FSD2: variants seen among roughly 807,000 people sequenced by gnomAD.
FSD2 encodes the protein fibronectin type III and SPRY domain-containing protein 2.
A neutral mutation model predicts 80.4 loss-of-function variants in FSD2; 71 were observed. That is an observed-to-expected ratio of 0.88 (90% confidence interval 0.73 to 1.08). FSD2 has a LOEUF of 1.08. Ranked by LOEUF, FSD2 falls within the 50% of genes least tolerant of loss-of-function variation. FSD2 has a pLI of 0.00. For missense variants in FSD2, 923 were observed against 913.8 expected (o/e 1.01, Z -0.13); for synonymous variants, 361 against 329.5 (o/e 1.10, Z -1.03).
At chr15:82,779,059 G>T (rs1342396684) in intron 5 of FSD2, among the ~76,000 whole-genome samples, 172 bp from the exon 6 acceptor site, 1 of 152,208 alleles carries the variant, frequency 6.6e-6, no homozygotes, top group African/African-American at 2.4e-5. Flanking sequence ...TGACCTAGGG[G>T]TCATCAATGG....
rs2049597579 is a variant in FSD2 at position 82,772,201 on chromosome 15, T to G, written c.1139A>C (p.Gln380Pro). The stretch of plus-strand genomic sequence containing the variant: ...GGAACCTGTGGCTGAGTTAGGGACC[T>G]GTGGATTTATGACTGGAGCAGAAGG... ...PAPSAPVINP[Q>P]VPNSATGSSV... Residue 380 changes from glutamine (Q) to proline (P), a missense_variant, in exon 7 of 13, where the codon CAG (glutamine) becomes CCG (proline). Gln to Pro is a moderately conservative substitution (Grantham distance 76, BLOSUM62 -1). Coordinates refer to ENST00000334574, the MANE Select transcript of FSD2 (RefSeq NM_001007122.4). 1 of 1,612,018 alleles carries G rather than the reference T, an allele frequency of 6.2e-7. No individual in the cohort carries two copies. Among genetic ancestry groups the G allele is most frequent in the Non-Finnish European group, 8.5e-7 (1 of 1,179,172 alleles).
chr15:82,780,651 C>T (rs556822464), intron 4 of FSD2, among the ~76,000 whole-genome samples: 2 of 151,444 alleles, frequency 1.3e-5, no homozygotes, highest in South Asian at 4.2e-4. Context: ...ATTTCTTTTA[C>T]CAACATATTG....
At chr15:82,769,287 C>A (rs1405480809) in intron 8 of FSD2, among the ~76,000 whole-genome samples, 1 of 152,042 alleles carries the variant, frequency 6.6e-6, no homozygotes, top group Non-Finnish European at 1.5e-5. Context: ...CTGTCACTGT[C>A]GGCTGAGTGC....
At chr15:82,784,260 T>TTTTA (rs1270469582) in intron 3 of FSD2, among the ~76,000 whole-genome samples, 8,614 of 133,518 alleles carry the variant, frequency 0.065, 302 homozygotes, top group East Asian at 0.17. Context: ...ATTTTATTTT[T>TTTTA]TTTTTATGGA....
chr15:82,784,760 A>G (rs1405316958), intron 3 of FSD2, among the ~76,000 whole-genome samples: 1 of 152,180 alleles, frequency 6.6e-6, no homozygotes, highest in Admixed American at 6.5e-5. Context: ...TCCTGTTGGT[A>G]CCATCCGAAG....
chr15:82,802,228 G>C (rs1352714355), intron 1 of FSD2, among the ~76,000 whole-genome samples: 1 of 152,182 alleles, frequency 6.6e-6, no homozygotes, highest in African/African-American at 2.4e-5. Flanking sequence ...CCAGTGCTGA[G>C]CTGGACCAGC....
rs1375297461 is a variant in FSD2 at position 82,759,428 on chromosome 15, G to T, written c.2170C>A (p.Pro724Thr). Residue 724 changes from proline (P) to threonine (T), a missense_variant, in exon 13 of 13, where the codon CCC becomes ACC. Transcript: ENST00000334574. ...FSCQLHEFVHPCFSLEKPGCL... is the reference protein window; with the variant it reads ...FSCQLHEFVHTCFSLEKPGCL... ...CCAGGCTTTTCCAAAGAAAAACAGG[G>T]ATGCACAAATTCGTGAAGCTGACAA... 2 of 1,613,734 alleles carry T rather than the reference G, an allele frequency of 1.2e-6. No homozygotes were observed. The highest frequency in any genetic ancestry group is 3.3e-5 in the Admixed American group (2 of 59,994).
intron 9 of FSD2, among the ~76,000 whole-genome samples, chr15:82,767,016 G>GT (rs1381329188): frequency 1.3e-5 from 2 of 152,130 alleles, no homozygotes; most frequent in East Asian, 3.9e-4. Flanking sequence ...AGTTGTCCAG[G>GT]TTATCTTCAG....
chr15:82,779,261 A>G (rs2049793921), intron 5 of FSD2, among the ~76,000 whole-genome samples: 1 of 152,168 alleles, frequency 6.6e-6, no homozygotes, highest in Non-Finnish European at 1.5e-5. Context: ...CAGACTCCCC[A>G]GGCTTCCTCT....
chr15:82,786,633 G>A (rs1187338437), intron 2 of FSD2, 27 bp from the exon 3 acceptor site: 1 of 1,603,616 alleles, frequency 6.2e-7, no homozygotes, highest in Non-Finnish European at 8.5e-7. Flanking sequence ...CACAAAGAAG[G>A]TATTAATGTT....
At chr15:82,805,140 AT>A (rs57346494) in intron 1 of FSD2, among the ~76,000 whole-genome samples, 17,839 of 131,484 alleles carry the variant, frequency 0.14, 1,403 homozygotes, top group South Asian at 0.34. Context: ...TCCCCCAATA[AT>A]TTTTTTTTTT....
rs775760030 is a variant in FSD2, at chr15:82,787,213, C to A, written c.178G>T (p.Asp60Tyr). ...TGAAGGTCTCTTTGAGCCTTACCATCCCCTGCTCCTCTTGACTCATTGGCC... is the reference window on the plus strand; with the variant it reads ...TGAAGGTCTCTTTGAGCCTTACCATACCCTGCTCCTCTTGACTCATTGGCC... The part of the protein sequence containing the change: ...EMANESRGAG[D>Y]GKAQRDLQEE... The change falls in exon 2 of 13, where the codon GAT (aspartate) becomes TAT (tyrosine). Residue 60 changes from aspartate to tyrosine, a missense_variant. Asp to Tyr is a radical substitution (Grantham distance 160, BLOSUM62 -3). Transcript: ENST00000334574. The A allele has an allele frequency of 1.2e-6, 2 of 1,613,852 alleles. No individual in the cohort carries two copies. The highest frequency in any genetic ancestry group is 1.3e-5 in the African/African-American group (1 of 74,900).
rs560347459 is a variant in FSD2, at chr15:82,770,595, C to T, written c.1268-711G>A. ...CCGAGGCAGGAGAATCACTTGAACC[C>T]GGGAAGTGGAGGTTGCAGTGAGCTG... On this transcript the variant is annotated intron_variant, in intron 7 of 12. Coordinates refer to ENST00000334574, the MANE Select transcript of FSD2 (RefSeq NM_001007122.4). 1.6e-4 allele frequency among the ~76,000 whole-genome samples: 24 copies of T among 152,238 alleles called. 1 individual carries two copies. The South Asian group carries it at 2.1e-3, about 13-fold the overall frequency.
chr15:82,774,120 G>C lies in FSD2; in HGVS notation c.1112-1892C>G, dbSNP rs188702810. Among the ~76,000 whole-genome samples the C allele has an allele frequency of 7.2e-5, 11 of 152,148 alleles. No individual in the cohort carries two copies. The East Asian group carries it at 1.9e-3, about 27-fold the overall frequency. ...GACAGGCTCTTACTCTGTCACCCAG[G>C]CTGGAGTGCAGTGGGGCAGTCATAG... On this transcript the variant is annotated intron_variant, in intron 6 of 12. Coordinates refer to ENST00000334574, the MANE Select transcript of FSD2 (RefSeq NM_001007122.4).
chr15:82,777,301 A>G (rs2049737319), intron 6 of FSD2, among the ~76,000 whole-genome samples: 1 of 152,240 alleles, frequency 6.6e-6, no homozygotes, highest in African/African-American at 2.4e-5. Context: ...TGCAGAATAG[A>G]AGAAAATATT....
At chr15:82,770,388 A>G (rs904890208) in intron 7 of FSD2, among the ~76,000 whole-genome samples, 18 of 152,234 alleles carry the variant, frequency 1.2e-4, no homozygotes, top group Admixed American at 2.6e-4. Flanking sequence ...AAGAAATAAT[A>G]GGGCCGGGCG....
intron 1 of FSD2, among the ~76,000 whole-genome samples, chr15:82,789,431 G>A (rs1275282059): frequency 5.9e-5 from 9 of 151,798 alleles, no homozygotes; most frequent in African/African-American, 2.2e-4. Context: ...CTTATCGTAT[G>A]CCTTTTCTGT....
chr15:82,795,944 T>C (rs1360098581), intron 1 of FSD2, among the ~76,000 whole-genome samples: 1 of 151,698 alleles, frequency 6.6e-6, no homozygotes, highest in Non-Finnish European at 1.5e-5. Flanking sequence ...AGGATAAACT[T>C]CACAGGGAGT....
intron 1 of FSD2, among the ~76,000 whole-genome samples, chr15:82,794,792 T>C (rs1375143747): frequency 6.6e-6 from 1 of 151,292 alleles, no homozygotes; most frequent in Non-Finnish European, 1.5e-5. Context: ...CGGCGCGATC[T>C]CGGCTTACTG....
Sources: gnomAD v4.1 joint callset for allele counts (sites outside exome capture counted in the v4.1 genomes callset) on GRCh38, gnomAD v4.1.1 for gene constraint, MANE v1.5 for transcripts, NCBI Gene and HGNC (gene_info 2026-07-23, HGNC 2026-07-21) for gene names.